The following KCNIP4 variants were observed in gnomAD, a reference collection of about 807,000 sequenced individuals.
KCNIP4 encodes the protein Kv channel-interacting protein 4.
A neutral mutation model predicts 34.0 loss-of-function variants in KCNIP4; 12 were observed. The ratio of observed to expected loss-of-function variants is 0.35; its 90% CI spans 0.23 to 0.57. The LOEUF (loss-of-function observed/expected upper bound fraction) is 0.57. Ranked by LOEUF, KCNIP4 falls within the 20% of genes least tolerant of loss-of-function variation. The pLI is 0.83. For missense variants in KCNIP4, 238 were observed against 311.7 expected (o/e 0.76, Z 1.78); for synonymous variants, 124 against 102.2 (o/e 1.21, Z -1.29).
chr4:20,863,443 C>G (rs1362036817), intron 2 of KCNIP4, among the ~76,000 whole-genome samples: 2 of 152,100 alleles, frequency 1.3e-5, no homozygotes, highest in African/African-American at 4.8e-5. Context: ...TCCCCAGGAG[C>G]AATTTGGGGA....
At chr4:21,752,147 T>C (rs1004466146) in intron 1 of KCNIP4, among the ~76,000 whole-genome samples, 11 of 152,160 alleles carry the variant, frequency 7.2e-5, no homozygotes, top group African/African-American at 2.2e-4. Flanking sequence ...TGGAAGGTGA[T>C]ATATGTATAC....
chr4:20,920,387 G>A (rs1441517083), intron 1 of KCNIP4, among the ~76,000 whole-genome samples: 2 of 152,162 alleles, frequency 1.3e-5, no homozygotes, highest in African/African-American at 4.8e-5. Context: ...AATAATCATT[G>A]TAAAGTACAG....
At chr4:21,918,041 T>C (rs1050373654) in intron 1 of KCNIP4, among the ~76,000 whole-genome samples, 3 of 152,130 alleles carry the variant, frequency 2.0e-5, no homozygotes, top group Admixed American at 6.5e-5. Flanking sequence ...AGCTAGGACT[T>C]TGACACCCCC....
intron 1 of KCNIP4, among the ~76,000 whole-genome samples, chr4:20,985,923 C>T (rs1018992110): frequency 2.0e-5 from 3 of 152,144 alleles, no homozygotes; most frequent in Admixed American, 6.5e-5. Context: ...TAGCCTTACC[C>T]TTGCTTGCTC....
At chr4:21,505,347 G>A (rs1733752772) in intron 1 of KCNIP4, among the ~76,000 whole-genome samples, 1 of 151,766 alleles carries the variant, frequency 6.6e-6, no homozygotes. Context: ...TACACCGATA[G>A]GTTGTGAGGC....
intron 1 of KCNIP4, among the ~76,000 whole-genome samples, chr4:20,914,470 T>C (rs907911426): frequency 6.6e-6 from 1 of 152,168 alleles, no homozygotes; most frequent in Non-Finnish European, 1.5e-5. Context: ...AGACACCAAA[T>C]CTACCAGTTC....
intron 1 of KCNIP4, among the ~76,000 whole-genome samples, chr4:20,938,797 A>T (rs536148700): frequency 6.6e-6 from 1 of 152,198 alleles, no homozygotes; most frequent in South Asian, 2.1e-4. Context: ...TTACTGACAC[A>T]TGGCTTAGTC....
chr4:20,814,098 T>C (rs1286863645), intron 3 of KCNIP4, among the ~76,000 whole-genome samples: 1 of 152,150 alleles, frequency 6.6e-6, no homozygotes, highest in Non-Finnish European at 1.5e-5. Flanking sequence ...CTCATCCACA[T>C]CGTATGGTGC....
At chr4:21,147,939 C>CAAAAAAAAAAAAAAAAACAAAAAAAA (rs1752480047) in intron 1 of KCNIP4, among the ~76,000 whole-genome samples, 1 of 31,014 alleles carries the variant, frequency 3.2e-5, no homozygotes, top group Non-Finnish European at 6.2e-5. Context: ...AACTCCGTCT[C>CAAAAAAAAAAAAAAAAACAAAAAAAA]AAAAAAAAAA....
At chr4:21,181,508 T>TCATG (rs1754841080) in intron 1 of KCNIP4, among the ~76,000 whole-genome samples, 1 of 152,080 alleles carries the variant, frequency 6.6e-6, no homozygotes, top group South Asian at 2.1e-4. Context: ...ATCCATACGT[T>TCATG]CATGCATCCA....
rs148863537 is a variant in KCNIP4, at chr4:21,078,724, C to T, written c.62-196015G>A. 2.7e-3 allele frequency among the ~76,000 whole-genome samples: 406 copies of T among 152,140 alleles called. 1 individual carries two copies. The highest frequency in any genetic ancestry group is 0.014 in the East Asian group (71 of 5,170). On this transcript the variant is annotated intron_variant, in intron 1 of 8. Transcript: ENST00000382152. Reference sequence around the variant, plus strand: ...ATGATGAGTTTACATTAAATCAAGACGAACTTGAGATGTTTTAAGAGGGAA... The same window carrying T: ...ATGATGAGTTTACATTAAATCAAGATGAACTTGAGATGTTTTAAGAGGGAA...
chr4:21,332,235 A>G (rs1395023267), intron 1 of KCNIP4, among the ~76,000 whole-genome samples: 13 of 152,066 alleles, frequency 8.5e-5, no homozygotes, highest in African/African-American at 2.9e-4. Context: ...TTGGGACCAG[A>G]TAGATACTAT....
chr4:21,762,987 T>C (rs1466087934), intron 1 of KCNIP4: 2 of 1,288,914 alleles, frequency 1.6e-6, no homozygotes, highest in East Asian at 1.1e-4. Context: ...TAAGTCTTCT[T>C]GTCAAGGACA....
intron 1 of KCNIP4, among the ~76,000 whole-genome samples, chr4:21,141,250 C>T (rs900250705): frequency 2.0e-5 from 3 of 152,054 alleles, no homozygotes; most frequent in Non-Finnish European, 4.4e-5. Context: ...CTGATAGACT[C>T]GTTCAATGCA....
At chr4:21,479,089 T>C (rs1373608771) in intron 1 of KCNIP4, among the ~76,000 whole-genome samples, 1 of 152,170 alleles carries the variant, frequency 6.6e-6, no homozygotes, top group Non-Finnish European at 1.5e-5. Context: ...GTATAAACTG[T>C]TCAGCTAGAC....
At chr4:21,680,957 C>T (rs1750296152) in intron 1 of KCNIP4, among the ~76,000 whole-genome samples, 1 of 152,168 alleles carries the variant, frequency 6.6e-6, no homozygotes, top group Admixed American at 6.6e-5. Flanking sequence ...AAGTCATAAG[C>T]TGCATTAGTC....
intron 1 of KCNIP4, among the ~76,000 whole-genome samples, chr4:21,025,257 C>T (rs946930067): frequency 3.3e-5 from 5 of 152,054 alleles, no homozygotes; most frequent in African/African-American, 1.2e-4. Context: ...GAAGGTAGGT[C>T]CAGCTCAGAT....
At chr4:21,501,920 A>C (rs1327563546) in intron 1 of KCNIP4, among the ~76,000 whole-genome samples, 12 of 149,762 alleles carry the variant, frequency 8.0e-5, no homozygotes, top group Non-Finnish European at 1.6e-4. Flanking sequence ...GCTCTCTGTC[A>C]CTCTGTCTTT....
chr4:21,320,007 TA>T (rs1369844992), intron 1 of KCNIP4, among the ~76,000 whole-genome samples: 1 of 152,230 alleles, frequency 6.6e-6, no homozygotes, highest in African/African-American at 2.4e-5. Flanking sequence ...CTGGTTATGA[TA>T]AAAAATGCAC....
Sources: gnomAD v4.1 joint callset for allele counts (sites outside exome capture counted in the v4.1 genomes callset) on GRCh38, gnomAD v4.1.1 for gene constraint, MANE v1.5 for transcripts, NCBI Gene and HGNC (gene_info 2026-07-23, HGNC 2026-07-21) for gene names.